CAPN11: variants seen among roughly 807,000 people sequenced by gnomAD.
The protein encoded by CAPN11 is calpain-11.
A neutral mutation model predicts 105.3 loss-of-function variants in CAPN11; 108 were observed. That is an observed-to-expected ratio of 1.03 (90% CI 0.88 to 1.20). CAPN11 has a LOEUF of 1.20. Among genes scored for constraint, CAPN11 ranks in the 50% most tolerant of loss-of-function variants. The probability of loss-of-function intolerance (pLI) is 0.00; values close to 1 mark genes in which losing one functional copy is unlikely to be tolerated. For missense variants in CAPN11, 883 were observed against 924.8 expected (o/e 0.95, Z 0.59); for synonymous variants, 329 against 344.5 (o/e 0.96, Z 0.50).
intron 1 of CAPN11, among the ~76,000 whole-genome samples, chr6:44,163,122 C>T (rs1160813463): frequency 6.6e-6 from 1 of 152,184 alleles, no homozygotes; most frequent in Non-Finnish European, 1.5e-5. Flanking sequence ...ACGTTGCATT[C>T]TTCAATCCTG....
chr6:44,183,939 T>A lies in CAPN11; in HGVS notation c.*7T>A. 6.4e-7 allele frequency: 1 copy of A among 1,553,692 alleles called. No homozygotes were observed. Among genetic ancestry groups the A allele is most frequent in the South Asian group, 1.2e-5 (1 of 84,208 alleles). ...GATGACCATGTGGGGATAGAGGCGC[T>A]GTAGGAGCCTGGTCATCTCTACCAG... is the stretch of plus-strand genomic sequence containing the variant. On this transcript the variant is annotated 3_prime_UTR_variant, in exon 23 of 23. Coordinates refer to ENST00000398776, the MANE Select transcript of CAPN11 (RefSeq NM_007058.4).
At chr6:44,181,443 C>CCACACACACATA (rs1679659961) in intron 19 of CAPN11, 123 bp downstream of exon 19, 2 of 589,932 alleles carry the variant, frequency 3.4e-6, no homozygotes, top group African/African-American at 2.4e-5. Flanking sequence ...CCCAACCACA[C>CCACACACACATA]CACACTCACA....
At chr6:44,176,489 G>A (rs1275847121) in intron 9 of CAPN11, 92 bp from the exon 10 acceptor site, 3 of 1,352,818 alleles carry the variant, frequency 2.2e-6, no homozygotes, top group Non-Finnish European at 3.2e-6. Flanking sequence ...ACCCCAGCAG[G>A]CAGACATTCA....
At chr6:44,170,999 G>C (rs1224558099) in intron 4 of CAPN11, among the ~76,000 whole-genome samples, 3 of 152,196 alleles carry the variant, frequency 2.0e-5, no homozygotes, top group African/African-American at 2.4e-5. Context: ...AGAGGCCAAG[G>C]AGACCTTAGA....
chr6:44,183,228 C>A lies in CAPN11; in HGVS notation c.2127C>A (p.Thr709=). ...SFISCFLRLK[T]MFTFFLTMDP... ...TCAGCTGTTTCCTGAGGCTAAAGAC[C>A]ATGTTCAGTGAGTTAGGCATCTACC... Residue 709 remains threonine (T), a synonymous_variant, in exon 21 of 23, where the codon ACC becomes ACA. Transcript: ENST00000398776. 6.2e-7 allele frequency: 1 copy of A among 1,604,810 alleles called. No homozygotes were observed. The highest frequency in any genetic ancestry group is 8.5e-7 in the Non-Finnish European group (1 of 1,171,636).
In CAPN11 at chr6:44,181,285, T is replaced by G. The variant is rs781587622; in HGVS notation, c.1903T>G (p.Phe635Val). ...DGSGKLGLLEFKILWKKLKKW... is the reference protein window; with the variant it reads ...DGSGKLGLLEVKILWKKLKKW... ...CTCTGGCAAGCTGGGGCTTCTAGAGTTCAAGATCCTGTGGAAAAAACTCAA... is the reference window on the plus strand; with the variant it reads ...CTCTGGCAAGCTGGGGCTTCTAGAGGTCAAGATCCTGTGGAAAAAACTCAA... Residue 635 changes from phenylalanine to valine, a missense_variant, in exon 19 of 23, where the codon TTC (phenylalanine) becomes GTC (valine). By Grantham distance (50) the Phe-to-Val change is conservative. Transcript: ENST00000398776. The G allele has an allele frequency of 1.2e-6, 2 of 1,613,246 alleles. No homozygotes were observed. The highest frequency in any genetic ancestry group is 1.7e-6 in the Non-Finnish European group (2 of 1,179,576).
At position 44,173,401 on chromosome 6, in the gene CAPN11, G is replaced by A; in HGVS notation, c.831+15G>A. 1 of 1,563,562 alleles carries A rather than the reference G, an allele frequency of 6.4e-7. No homozygotes were observed. Among genetic ancestry groups the A allele is most frequent in the Non-Finnish European group, 8.7e-7 (1 of 1,145,546 alleles). On this transcript the variant is annotated intron_variant, in intron 7 of 22. Coordinates refer to ENST00000398776, the MANE Select transcript of CAPN11 (RefSeq NM_007058.4). The stretch of plus-strand genomic sequence containing the variant: ...GCTCCATTGAAGTAAGCAAAGCATG[G>A]TCCCACCTCAGGGCCTTTGCACCTG...
intron 8 of CAPN11, 50 bp from the exon 9 acceptor site, chr6:44,176,203 C>CG: frequency 6.2e-7 from 1 of 1,605,030 alleles, no homozygotes; most frequent in Non-Finnish European, 8.5e-7. Context: ...AGGAGGAGAA[C>CG]GTCTCCCTGA....
intron 7 of CAPN11, among the ~76,000 whole-genome samples, 194 bp downstream of exon 7, chr6:44,173,580 G>GT (rs1561846175): frequency 3.5e-5 from 1 of 28,948 alleles, no homozygotes; most frequent in African/African-American, 8.1e-5. Flanking sequence ...GTTTTTTTTT[G>GT]TTTGTTTGTT....
intron 1 of CAPN11, among the ~76,000 whole-genome samples, chr6:44,162,614 A>AC (rs1769093926): frequency 6.6e-6 from 1 of 151,622 alleles, no homozygotes; most frequent in Non-Finnish European, 1.5e-5. Flanking sequence ...AGTGCACCCC[A>AC]CCCTCAGGGG....
chr6:44,158,866 T>A lies in CAPN11; in HGVS notation c.16+2T>A. The A allele has an allele frequency of 6.4e-7, 1 of 1,551,070 alleles. No individual in the cohort carries two copies. Among genetic ancestry groups the A allele is most frequent in the South Asian group, 1.2e-5 (1 of 84,038 alleles). On this transcript the variant is annotated splice_donor_variant, in intron 1 of 22. Coordinates refer to ENST00000398776, the MANE Select transcript of CAPN11 (RefSeq NM_007058.4). LOFTEE classifies it high-confidence loss of function. ...CCACCAGCATGCTGTACTCCCCAGG[T>A]AGGCACTCATGGGGCCTTGCCCCAC...
rs565577683 is a variant in CAPN11 at position 44,184,312 on chromosome 6, C to T, written c.*380C>T. ...CCCTCCATGCTTGCTGTCCTGCTCACACCTACCTGCTGACCACCCATCCTG... is the reference window on the plus strand; with the variant it reads ...CCCTCCATGCTTGCTGTCCTGCTCATACCTACCTGCTGACCACCCATCCTG... On this transcript the variant is annotated 3_prime_UTR_variant, in exon 23 of 23. Transcript: ENST00000398776. 1 of 271,874 alleles carries T rather than the reference C, an allele frequency of 3.7e-6. No homozygotes were observed. Among genetic ancestry groups the T allele is most frequent in the Non-Finnish European group, 7.1e-6 (1 of 141,502 alleles). 16.8% of individuals were successfully genotyped at this position (271,874 alleles called of 1,614,324 possible).
chr6:44,176,204 G>A (rs758359624), intron 8 of CAPN11, 49 bp from the exon 9 acceptor site: 16 of 1,606,264 alleles, frequency 1.0e-5, no homozygotes, highest in South Asian at 7.7e-5. Context: ...GGAGGAGAAC[G>A]TCTCCCTGAC....
chr6:44,181,597 G>C (rs1268192085), intron 19 of CAPN11, among the ~76,000 whole-genome samples: 2 of 20,728 alleles, frequency 9.6e-5, no homozygotes, highest in African/African-American at 1.9e-4. Context: ...CTCACATACA[G>C]ACACAACCAC....
intron 1 of CAPN11, among the ~76,000 whole-genome samples, chr6:44,161,428 G>A (rs1768784262): frequency 6.6e-6 from 1 of 152,180 alleles, no homozygotes; most frequent in East Asian, 1.9e-4. Context: ...TTGAACTCCT[G>A]ACTTCAGGTG....
In CAPN11 at chr6:44,169,373, T is replaced by G. The variant is rs1229693138; in HGVS notation, c.181T>G (p.Phe61Val). 6.2e-7 allele frequency: 1 copy of G among 1,613,864 alleles called. No homozygotes were observed. Among genetic ancestry groups the G allele is most frequent in the Non-Finnish European group, 8.5e-7 (1 of 1,179,894 alleles). The change falls in exon 3 of 23, where the codon TTT becomes GTT. Residue 61 changes from phenylalanine (F) to valine (V), a missense_variant. Transcript: ENST00000398776. ...GVGQHDNAQN[F>V]GNQSFEELRA... ...GGGCCAGCACGACAACGCCCAGAACTTTGGTAACCAGAGCTTTGAGGAGCT... is the reference window on the plus strand; with the variant it reads ...GGGCCAGCACGACAACGCCCAGAACGTTGGTAACCAGAGCTTTGAGGAGCT...
chr6:44,181,235 C>G lies in CAPN11; in HGVS notation c.1870-17C>G. ...GCCTTCTTCACTCCTTCTCTGCTGTCCTTGACCACCTTCCAGAAAGATGGC... is the reference window on the plus strand; with the variant it reads ...GCCTTCTTCACTCCTTCTCTGCTGTGCTTGACCACCTTCCAGAAAGATGGC... On this transcript the variant is annotated splice_polypyrimidine_tract_variant and intron_variant, in intron 18 of 22. Transcript: ENST00000398776. 1 of 1,613,008 alleles carries G rather than the reference C, an allele frequency of 6.2e-7. No homozygotes were observed. The highest frequency in any genetic ancestry group is 8.5e-7 in the Non-Finnish European group (1 of 1,179,152).
At chr6:44,165,974 C>T (rs1769761171) in intron 1 of CAPN11, among the ~76,000 whole-genome samples, 1 of 152,014 alleles carries the variant, frequency 6.6e-6, no homozygotes, top group Non-Finnish European at 1.5e-5. Flanking sequence ...TGGCCTCGGA[C>T]AGTGATGGTA....
At chr6:44,183,625 T>C (rs1330894105) in intron 21 of CAPN11, 80 bp from the exon 22 acceptor site, 2 of 1,364,246 alleles carry the variant, frequency 1.5e-6, no homozygotes, top group Non-Finnish European at 1.0e-6. Context: ...GTGTCGCCCC[T>C]TCCTACCTAG....
Sources: allele counts gnomAD v4.1 joint callset (sites outside exome capture counted in the v4.1 genomes callset), GRCh38; gene constraint gnomAD v4.1.1; transcripts MANE v1.5; gene names NCBI Gene and HGNC (gene_info 2026-07-23, HGNC 2026-07-21).